The following ADGRD2 variants were observed in gnomAD, a reference collection of about 807,000 sequenced individuals.
The protein encoded by ADGRD2 is G protein-coupled receptor PGR24.
In ADGRD2, 71 loss-of-function variants were observed where a neutral mutation model predicts 44.4. That is an observed-to-expected ratio of 1.60 (90% CI 1.32 to 1.95). ADGRD2 has a LOEUF of 1.95. Ranked by LOEUF, ADGRD2 falls within the 30% of genes most tolerant of loss-of-function variation. ADGRD2 has a pLI of 0.00. For missense variants in ADGRD2, 1,039 were observed against 512.4 expected (o/e 2.03, Z -9.92); for synonymous variants, 481 against 224.8 (o/e 2.14, Z -10.19).
At position 124,460,388 on chromosome 9, in the gene ADGRD2, A is replaced by T. The variant is rs565457127; in HGVS notation, c.1870+1667A>T. On this transcript the variant is annotated intron_variant, in intron 10 of 21. Coordinates refer to ENST00000334810, the Ensembl canonical transcript of ADGRD2. ...CAGCTAATTTTGTATATATATATAT[A>T]TTTTTTTTTAGTAGAGATGGGGTTT... 6.9e-3 allele frequency among the ~76,000 whole-genome samples: 1,005 copies of T among 145,214 alleles called. 34 individuals are homozygous for T. The East Asian group carries it at 0.09, about 13-fold the overall frequency.
At chr9:124,453,076 G>A in exon 3 of ADGRD2, 1 of 681,908 alleles carries the variant, frequency 1.5e-6, no homozygotes. Context: ...CGAGAGGACG[G>A]CTGACCGGGC....
exon 16 of ADGRD2, chr9:124,469,462 A>T: frequency 1.4e-6 from 1 of 718,118 alleles, no homozygotes; most frequent in South Asian, 1.5e-5. Flanking sequence ...CCGTGTGGTA[A>T]TGATCACCGT....
At chr9:124,470,646 C>A (rs1333982682) in intron 17 of ADGRD2, 32 bp downstream of exon 20, 2 of 691,034 alleles carry the variant, frequency 2.9e-6, no homozygotes, top group South Asian at 3.0e-5. Flanking sequence ...TGGGACTAGG[C>A]CCTGACATGC....
intron 8 of ADGRD2, 108 bp downstream of exon 11, chr9:124,457,714 G>C: frequency 9.2e-6 from 5 of 541,476 alleles, no homozygotes; most frequent in South Asian, 2.9e-5. Context: ...CAGTTTGCTC[G>C]TCTGTAAAAT....
In ADGRD2 at chr9:124,477,093, C is replaced by T. The variant is rs545981414; in HGVS notation, c.*18+384C>T. Reference sequence around the variant, plus strand: ...ACCCCCCGTCACCCTCTGAAGGCCCCGGCCTGATGCCCTAGGATCCAGAGC... The same window carrying T: ...ACCCCCCGTCACCCTCTGAAGGCCCTGGCCTGATGCCCTAGGATCCAGAGC... On this transcript the variant is annotated intron_variant, in intron 21 of 21. Transcript: ENST00000334810. 963 of 507,904 alleles carry T rather than the reference C, an allele frequency of 1.9e-3. 15 individuals are homozygous for T. The highest frequency in any genetic ancestry group is 0.014 in the South Asian group (936 of 64,758). The allele number at this position is 507,904 out of a possible 1,614,324, so 31.5% of individuals were successfully genotyped here.
intron 9 of ADGRD2, 121 bp downstream of exon 12, chr9:124,458,357 C>A (rs1831657399): frequency 1.6e-6 from 1 of 632,448 alleles, no homozygotes; most frequent in African/African-American, 1.8e-5. Flanking sequence ...TTTCCCACCC[C>A]TGCCCAACAC....
upstream of ADGRD2, chr9:124,451,776 CCAT>C (rs1244523765): frequency 1.3e-5 from 4 of 318,516 alleles, no homozygotes; most frequent in Non-Finnish European, 2.4e-5. Context: ...TTCCAAGTGG[CCAT>C]CCTTACCTCA....
chr9:124,458,627 C>T lies in ADGRD2; in HGVS notation c.1778C>T (p.Thr593Ile), dbSNP rs188778149. 3.1e-3 allele frequency: 2,227 copies of T among 718,814 alleles called. 21 individuals are homozygous for T. The highest frequency in any genetic ancestry group is 0.029 in the Admixed American group (1,475 of 50,008). The allele number at this position is 718,814 out of a possible 1,614,324, so 44.5% of individuals were successfully genotyped here. ...CATTCTTCCCACAGGTTCCTAAGCA[C>T]CCAGGTGGGGTCAGCCATCATCTCC... Residue 593 changes from threonine (T) to isoleucine (I), a missense_variant, in exon 10 of 22, where the codon ACC becomes ATC. Coordinates refer to ENST00000334810, the Ensembl canonical transcript of ADGRD2.
intron 8 of ADGRD2, among the ~76,000 whole-genome samples, 175 bp downstream of exon 11, chr9:124,457,781 G>A (rs907716672): frequency 6.6e-6 from 1 of 152,170 alleles, no homozygotes; most frequent in African/African-American, 2.4e-5. Flanking sequence ...ACCACAGAGT[G>A]GTGTTCACTT....
intron 10 of ADGRD2, among the ~76,000 whole-genome samples, chr9:124,461,603 A>G (rs1452692013): frequency 1.3e-5 from 1 of 78,822 alleles, no homozygotes; most frequent in Non-Finnish European, 2.9e-5. Context: ...GTGTAGATCT[A>G]TTTCTGGGCT....
At chr9:124,451,067 G>A (rs527435904), upstream of ADGRD2, 26 of 472,074 alleles carry the variant, frequency 5.5e-5, no homozygotes, top group South Asian at 3.7e-4. Flanking sequence ...CCTGGAGGTG[G>A]TACTACTGAG....
In ADGRD2 at chr9:124,453,692, C is replaced by A. The variant is rs1325746004; in HGVS notation, c.923+16C>A. On this transcript the variant is annotated intron_variant, in intron 3 of 21. Transcript: ENST00000334810. ...CTCTGTCCCGGTACGACCCGCCCCG[C>A]CCCGGCCCCACCCCATGGCCCCGAA... is the stretch of plus-strand genomic sequence containing the variant. 2.9e-6 allele frequency: 2 copies of A among 687,138 alleles called. No individual in the cohort carries two copies. The highest frequency in any genetic ancestry group is 4.1e-5 in the Admixed American group (2 of 48,238). The allele number at this position is 687,138 out of a possible 1,614,324, so 42.6% of individuals were successfully genotyped here. A position where few individuals can be genotyped will look rare whatever the true frequency, so the allele number is the denominator to read the frequency against.
intron 21 of ADGRD2, 33 bp downstream of exon 24, chr9:124,476,742 T>C: frequency 1.4e-6 from 1 of 692,934 alleles, no homozygotes; most frequent in Non-Finnish European, 2.6e-6. Context: ...TCCCCTCTTT[T>C]CTTTTTGGGC....
Position 124,469,535 on chromosome 9 carries a change from G to A in ADGRD2, c.2627G>A (p.Trp876Ter), listed in dbSNP as rs1233375830. ...CAGCCCTGCCTGCAGCAGCAGATCT[G>A]GACCCAGATATGGTGAGGCCCCAGA... Residue 876 changes from tryptophan to a stop codon, truncating the protein, a stop_gained, in exon 16 of 22, where the codon TGG becomes TAG. Transcript: ENST00000334810. LOFTEE classifies it high-confidence loss of function. 7.0e-6 allele frequency: 5 copies of A among 717,946 alleles called. No homozygotes were observed. The highest frequency in any genetic ancestry group is 3.5e-5 in the African/African-American group (2 of 57,282). 44.5% of individuals were successfully genotyped at this position (717,946 alleles called of 1,614,324 possible).
At chr9:124,452,208 C>G (rs914070672) in intron 1 of ADGRD2, 54 bp downstream of exon 4, 1 of 675,800 alleles carries the variant, frequency 1.5e-6, no homozygotes, top group East Asian at 2.7e-5. Flanking sequence ...CTAAGCAAGT[C>G]TGTGATCCAA....
intron 17 of ADGRD2, among the ~76,000 whole-genome samples, chr9:124,470,867 G>C (rs967658518): frequency 6.6e-6 from 1 of 152,244 alleles, no homozygotes; most frequent in Admixed American, 6.5e-5. Context: ...CCAGAAAGAG[G>C]GTGTTAAGGC....
exon 6 of ADGRD2, chr9:124,455,094 G>A (rs755323505): frequency 8.4e-6 from 6 of 712,716 alleles, no homozygotes; most frequent in African/African-American, 7.0e-5. Context: ...TCCTGGAGGA[G>A]CAGGTGGCTG....
exon 15 of ADGRD2, chr9:124,469,324 C>A: frequency 1.4e-6 from 1 of 718,326 alleles, no homozygotes; most frequent in Non-Finnish European, 2.6e-6. Flanking sequence ...GCCATCTGGG[C>A]CTTCGTGGGG....
upstream of ADGRD2, chr9:124,451,536 C>T (rs960585017): frequency 4.6e-5 from 15 of 323,718 alleles, no homozygotes; most frequent in African/African-American, 8.7e-5. Flanking sequence ...AAAGGGCAAA[C>T]GGACCCTGCA....
Sources: gnomAD v4.1 joint callset for allele counts (sites outside exome capture counted in the v4.1 genomes callset) on GRCh38, gnomAD v4.1.1 for gene constraint, MANE v1.5 for transcripts, NCBI Gene and HGNC (gene_info 2026-07-23, HGNC 2026-07-21) for gene names.